Variants in SRBD1 observed in about 807,000 individuals in gnomAD.
SRBD1 encodes the protein S1 RNA binding domain 1, also known as S1 RNA-binding domain-containing protein 1.
Under a neutral mutation model 115.3 loss-of-function variants are expected in SRBD1, and 88 were observed. The ratio of observed to expected loss-of-function variants is 0.76; its 90% confidence interval spans 0.64 to 0.91. SRBD1 has a LOEUF of 0.91. SRBD1 is among the 40% of genes least tolerant of loss of function. The pLI is 0.00. For synonymous variants in SRBD1, 509 were observed against 407.7 expected, an observed-to-expected ratio of 1.25 and a Z score of -2.99; for missense variants, 1,385 against 1,177.4, an observed-to-expected ratio of 1.18 and a Z score of -2.58.
chr2:45,549,798 G>C lies in SRBD1; in HGVS notation c.1675+1327C>G, dbSNP rs180689663. Among the ~76,000 whole-genome samples, 364 of 151,770 alleles carry C rather than the reference G, an allele frequency of 2.4e-3. 5 individuals carry two copies. The highest frequency in any genetic ancestry group is 8.3e-3 in the African/African-American group (343 of 41,386). On this transcript the variant is annotated intron_variant, in intron 12 of 20. Coordinates refer to ENST00000263736, the MANE Select transcript of SRBD1 (RefSeq NM_018079.5). Reference sequence around the variant, plus strand: ...GGATAGTTTGAGCACAGGAAGCAGAGGCTGCAGTGAGCTGAGATCACGCCA... The same window carrying C: ...GGATAGTTTGAGCACAGGAAGCAGACGCTGCAGTGAGCTGAGATCACGCCA...
intron 14 of SRBD1, among the ~76,000 whole-genome samples, chr2:45,519,185 C>T (rs1211529966): frequency 6.6e-6 from 1 of 152,046 alleles, no homozygotes; most frequent in African/African-American, 2.4e-5. Context: ...AAAAAGAAAA[C>T]AAAATGTTTA....
At chr2:45,576,895 G>C (rs964841704) in intron 7 of SRBD1, among the ~76,000 whole-genome samples, 1 of 152,188 alleles carries the variant, frequency 6.6e-6, no homozygotes, top group Non-Finnish European at 1.5e-5. Flanking sequence ...CCCATCATAA[G>C]AGGGGAATAT....
At chr2:45,532,872 A>G (rs941492098) in intron 14 of SRBD1, among the ~76,000 whole-genome samples, 14 of 152,064 alleles carry the variant, frequency 9.2e-5, no homozygotes, top group African/African-American at 3.1e-4. Flanking sequence ...TTCAACTATC[A>G]ATTTCTGGCC....
intron 14 of SRBD1, among the ~76,000 whole-genome samples, chr2:45,490,243 A>T (rs1670251630): frequency 6.6e-6 from 1 of 152,178 alleles, no homozygotes; most frequent in Non-Finnish European, 1.5e-5. Flanking sequence ...CAGTTCCATT[A>T]TAGTGGCATT....
At chr2:45,433,056 T>C (rs1668387404) in intron 16 of SRBD1, among the ~76,000 whole-genome samples, 1 of 152,198 alleles carries the variant, frequency 6.6e-6, no homozygotes, top group African/African-American at 2.4e-5. Context: ...CATACTAAAC[T>C]TGAAGTTTTT....
chr2:45,497,844 G>C (rs188250505), intron 14 of SRBD1, among the ~76,000 whole-genome samples: 1 of 152,154 alleles, frequency 6.6e-6, no homozygotes, highest in East Asian at 1.9e-4. Context: ...AGACCAGCCT[G>C]ACCAACACGG....
chr2:45,453,088 G>C (rs1042950307), intron 16 of SRBD1, among the ~76,000 whole-genome samples: 1 of 151,786 alleles, frequency 6.6e-6, no homozygotes, highest in African/African-American at 2.4e-5. Flanking sequence ...AAGAATTCTA[G>C]CAGGGCCCAG....
intron 1 of SRBD1, among the ~76,000 whole-genome samples, chr2:45,608,428 G>T (rs981346509): frequency 1.3e-5 from 2 of 152,134 alleles, no homozygotes; most frequent in Admixed American, 1.3e-4. Flanking sequence ...ACCTACGACA[G>T]GTACACCCCC....
intron 16 of SRBD1, among the ~76,000 whole-genome samples, chr2:45,441,668 T>A (rs1487150761): frequency 6.6e-6 from 1 of 152,218 alleles, no homozygotes; most frequent in Non-Finnish European, 1.5e-5. Context: ...GGCTTTTGGA[T>A]TCTTCTTGCT....
intron 16 of SRBD1, among the ~76,000 whole-genome samples, chr2:45,456,699 T>A (rs375329662): frequency 1.4e-4 from 22 of 152,000 alleles, no homozygotes; most frequent in African/African-American, 5.3e-4. Flanking sequence ...TAAGGTCTTC[T>A]AAAGTTGAGG....
At chr2:45,605,273 A>C in intron 2 of SRBD1, 89 bp downstream of exon 2, 2 of 1,306,844 alleles carry the variant, frequency 1.5e-6, no homozygotes, top group Non-Finnish European at 2.1e-6. Flanking sequence ...TACCCACATC[A>C]CTTAAGGAGT....
chr2:45,409,876 CATA>C (rs1350570066), intron 19 of SRBD1, among the ~76,000 whole-genome samples: 3 of 151,926 alleles, frequency 2.0e-5, no homozygotes, highest in Admixed American at 2.0e-4. Context: ...TAAATGCTGA[CATA>C]ATAAGTTCAT....
chr2:45,505,946 C>T (rs982840392), intron 14 of SRBD1, among the ~76,000 whole-genome samples: 2 of 152,276 alleles, frequency 1.3e-5, no homozygotes, highest in South Asian at 2.1e-4. Flanking sequence ...GCTTTGGAGG[C>T]TTTTAAAAGT....
chr2:45,392,449 G>A (rs898574502), intron 20 of SRBD1, among the ~76,000 whole-genome samples: 1 of 152,170 alleles, frequency 6.6e-6, no homozygotes, highest in Non-Finnish European at 1.5e-5. Flanking sequence ...CCATCTACCT[G>A]TGCTGAAAGC....
Position 45,561,138 on chromosome 2 carries a change from G to C in SRBD1, c.1409+1515C>G, listed in dbSNP as rs566738442. On this transcript the variant is annotated intron_variant, in intron 10 of 20. Coordinates refer to ENST00000263736, the MANE Select transcript of SRBD1 (RefSeq NM_018079.5). Reference sequence around the variant, plus strand: ...AAAGAAAAAGAAAAGAAACTATATAGAAAAATATACACAGTAATATAAAGA... The same window carrying C: ...AAAGAAAAAGAAAAGAAACTATATACAAAAATATACACAGTAATATAAAGA... Among the ~76,000 whole-genome samples, 79 of 152,058 alleles carry C rather than the reference G, an allele frequency of 5.2e-4. 1 individual carries two copies. The South Asian group carries it at 0.015, about 30-fold the overall frequency.
chr2:45,548,264 T>C (rs1672183554), intron 12 of SRBD1, among the ~76,000 whole-genome samples: 1 of 150,898 alleles, frequency 6.6e-6, no homozygotes, highest in African/African-American at 2.4e-5. Context: ...CAGAAAAAAA[T>C]GCAACAGAAA....
intron 14 of SRBD1, among the ~76,000 whole-genome samples, chr2:45,545,509 G>C (rs935444908): frequency 6.6e-6 from 1 of 152,000 alleles, no homozygotes; most frequent in Non-Finnish European, 1.5e-5. Flanking sequence ...ATATTTACAT[G>C]AAATTAATGT....
At chr2:45,515,137 A>C (rs976079134) in intron 14 of SRBD1, among the ~76,000 whole-genome samples, 1 of 152,196 alleles carries the variant, frequency 6.6e-6, no homozygotes, top group Non-Finnish European at 1.5e-5. Context: ...AGAAGAAATT[A>C]TATCCTATAT....
At chr2:45,510,793 T>C (rs1670942525) in intron 14 of SRBD1, among the ~76,000 whole-genome samples, 2 of 152,250 alleles carry the variant, frequency 1.3e-5, no homozygotes, top group South Asian at 4.1e-4. Context: ...CAAGAAATTT[T>C]TTTTCTATTG....
Sources: allele counts gnomAD v4.1 joint callset (sites outside exome capture counted in the v4.1 genomes callset), GRCh38; gene constraint gnomAD v4.1.1; transcripts MANE v1.5; gene names NCBI Gene and HGNC (gene_info 2026-07-23, HGNC 2026-07-21).